The following FGF12 variants were observed in gnomAD, a reference collection of about 807,000 sequenced individuals.
FGF12 encodes the protein fibroblast growth factor 12B.
In FGF12, 14 loss-of-function variants were observed where a neutral mutation model predicts 23.6. The observed-to-expected ratio is 0.59, with a 90% CI of 0.39 to 0.93. The LOEUF is 0.93. FGF12 is among the 40% of genes least tolerant of loss of function. The pLI is 0.00. For missense variants in FGF12, 175 were observed against 217.8 expected (o/e 0.80, Z 1.24); for synonymous variants, 62 against 77.3 (o/e 0.80, Z 1.04).
intron 2 of FGF12, among the ~76,000 whole-genome samples, chr3:192,625,713 T>C (rs1013517079): frequency 6.6e-6 from 1 of 152,110 alleles, no homozygotes; most frequent in Non-Finnish European, 1.5e-5. Flanking sequence ...TTACTAGGTG[T>C]CTAGATTATC....
intron 2 of FGF12, among the ~76,000 whole-genome samples, chr3:192,607,294 G>T (rs544541456): frequency 1.8e-4 from 27 of 152,206 alleles, no homozygotes; most frequent in African/African-American, 6.5e-4. Context: ...TCAGAAAGCC[G>T]TTCTGCTGAG....
intron 2 of FGF12, among the ~76,000 whole-genome samples, chr3:192,423,752 G>A (rs183760915): frequency 6.6e-6 from 1 of 152,200 alleles, no homozygotes; most frequent in African/African-American, 2.4e-5. Context: ...CTGGTATAAG[G>A]TTTAATTTTT....
intron 2 of FGF12, among the ~76,000 whole-genome samples, chr3:192,583,210 C>T (rs751732814): frequency 1.4e-4 from 21 of 152,296 alleles, no homozygotes; most frequent in Middle Eastern, 6.8e-3. Flanking sequence ...TGCAGGTCAA[C>T]GGTGAATATC....
intron 5 of FGF12, among the ~76,000 whole-genome samples, chr3:192,150,552 G>A (rs548396542): frequency 1.4e-5 from 2 of 145,784 alleles, no homozygotes; most frequent in South Asian, 2.2e-4. Context: ...AGTTTTCCCA[G>A]CACCATTTAT....
chr3:192,193,654 C>G (rs549525530), intron 4 of FGF12, among the ~76,000 whole-genome samples: 261 of 152,252 alleles, frequency 1.7e-3, no homozygotes, highest in Non-Finnish European at 3.0e-3. Context: ...CACCCTATGT[C>G]ATCTTCCATT....
At chr3:192,711,516 G>A (rs1290161028) in intron 2 of FGF12, among the ~76,000 whole-genome samples, 1 of 152,218 alleles carries the variant, frequency 6.6e-6, no homozygotes, top group Non-Finnish European at 1.5e-5. Context: ...AGGGGGAAAT[G>A]TGGGGAAAAG....
chr3:192,397,958 T>C (rs1184127196), intron 2 of FGF12, among the ~76,000 whole-genome samples: 1 of 150,056 alleles, frequency 6.7e-6, no homozygotes, highest in Non-Finnish European at 1.5e-5. Context: ...AAAAAAAAAC[T>C]CTTTATGAAC....
In FGF12 at chr3:192,488,581, A is replaced by G. The variant is rs963834188; in HGVS notation, c.14-128043T>C. On this transcript the variant is annotated intron_variant, in intron 2 of 5. Coordinates refer to ENST00000445105, the MANE Select transcript of FGF12 (RefSeq NM_004113.6). ...CTTCCATTCAATACAGAAAATGTCA[A>G]CTCTTGCCAAATTAATTCTACCACC... 4.0e-4 allele frequency among the ~76,000 whole-genome samples: 61 copies of G among 152,106 alleles called. No homozygotes were observed. The Middle Eastern group carries it at 0.01, about 25-fold the overall frequency.
chr3:192,660,415 A>G (rs1409322909), intron 2 of FGF12, among the ~76,000 whole-genome samples: 2 of 150,932 alleles, frequency 1.3e-5, no homozygotes, highest in African/African-American at 4.9e-5. Flanking sequence ...ATGTTAAATG[A>G]TGAGTTAATG....
intron 2 of FGF12, among the ~76,000 whole-genome samples, chr3:192,575,836 C>G (rs149297657): frequency 9.3e-4 from 141 of 152,046 alleles, no homozygotes; most frequent in African/African-American, 3.0e-3. Flanking sequence ...ATATGTAGCA[C>G]CTAGCTGCCA....
At chr3:192,647,605 C>G (rs1372193496) in intron 2 of FGF12, among the ~76,000 whole-genome samples, 1 of 151,038 alleles carries the variant, frequency 6.6e-6, no homozygotes, top group Non-Finnish European at 1.5e-5. Flanking sequence ...TGAATAATTA[C>G]CTGGAATTCA....
intron 2 of FGF12, among the ~76,000 whole-genome samples, chr3:192,543,576 G>T (rs890063038): frequency 6.6e-6 from 1 of 151,988 alleles, no homozygotes; most frequent in Non-Finnish European, 1.5e-5. Context: ...TCAAGCAGAC[G>T]GAGTCTCTCC....
intron 2 of FGF12, among the ~76,000 whole-genome samples, chr3:192,723,974 G>A (rs1719125935): frequency 8.2e-6 from 1 of 122,004 alleles, no homozygotes; most frequent in South Asian, 3.3e-4. Flanking sequence ...AGGAGGGGAG[G>A]GGAGGAGAGG....
At chr3:192,588,127 C>T (rs939047622) in intron 2 of FGF12, among the ~76,000 whole-genome samples, 5 of 151,256 alleles carry the variant, frequency 3.3e-5, no homozygotes, top group Non-Finnish European at 7.4e-5. Flanking sequence ...GGGTGAATAA[C>T]CAGGTCAGGA....
In FGF12 at chr3:192,178,274, C is replaced by A. The variant is rs146243763; in HGVS notation, c.229-7618G>T. Among the ~76,000 whole-genome samples the A allele has an allele frequency of 2.3e-4, 35 of 152,086 alleles. No individual in the cohort carries two copies. The East Asian group carries it at 5.0e-3, about 22-fold the overall frequency. On this transcript the variant is annotated intron_variant, in intron 4 of 5. Coordinates refer to ENST00000445105, the MANE Select transcript of FGF12 (RefSeq NM_004113.6). ...AAAGAGCCTATATAAAATGTTGTTT[C>A]TTCAAAAATAGAGCTTTCCTACCAA...
rs1039934485 is a variant in FGF12 at position 192,336,642 on chromosome 3, C to G, written c.125-1178G>C. ...TCCTGGCTTAATTAGAAGTTCTTAT[C>G]CACTTTTTCTGTTGATAAAATTCCT... On this transcript the variant is annotated intron_variant, in intron 3 of 5. Transcript: ENST00000445105. The surrounding 1 kb of genome is among the most constrained non-coding windows in gnomAD (Gnocchi z 4.3). 6.6e-6 allele frequency among the ~76,000 whole-genome samples: 1 copy of G among 152,106 alleles called. No individual in the cohort carries two copies. The highest frequency in any genetic ancestry group is 2.4e-5 in the African/African-American group (1 of 41,426).
At chr3:192,439,716 C>A (rs1241421021) in intron 2 of FGF12, among the ~76,000 whole-genome samples, 3 of 152,110 alleles carry the variant, frequency 2.0e-5, no homozygotes, top group African/African-American at 7.2e-5. Flanking sequence ...GTGGCTCACG[C>A]CTGTAATCCC....
intron 2 of FGF12, among the ~76,000 whole-genome samples, chr3:192,724,488 C>T (rs115091465): frequency 6.6e-6 from 1 of 152,130 alleles, no homozygotes; most frequent in Non-Finnish European, 1.5e-5. Context: ...TGAACCACTC[C>T]TCTAAATACT....
intron 3 of FGF12, among the ~76,000 whole-genome samples, chr3:192,356,046 G>A (rs748236700): frequency 6.6e-6 from 1 of 151,976 alleles, no homozygotes; most frequent in East Asian, 1.9e-4. Context: ...TCAACTATAC[G>A]CCCTTTTGTG....
Sources: allele counts gnomAD v4.1 joint callset (sites outside exome capture counted in the v4.1 genomes callset), GRCh38; gene constraint gnomAD v4.1.1; non-coding constraint Gnocchi (gnomAD v3.1); transcripts MANE v1.5; gene names NCBI Gene and HGNC (gene_info 2026-07-23, HGNC 2026-07-21).